DYDC1: variants seen among roughly 807,000 people sequenced by gnomAD.
The protein encoded by DYDC1 is DPY30 domain-containing protein 1.
A neutral mutation model predicts 27.9 loss-of-function variants in DYDC1; 21 were observed. That is an observed-to-expected ratio of 0.75 (90% CI 0.53 to 1.08). The LOEUF is 1.08. DYDC1 is among the 50% of genes least tolerant of loss of function. The pLI, the probability that DYDC1 is intolerant of heterozygous loss-of-function variation, is 0.00. For synonymous variants in DYDC1, 67 were observed against 65.8 expected, an observed-to-expected ratio of 1.02 and a Z score of -0.09; for missense variants, 202 against 205.9, an observed-to-expected ratio of 0.98 and a Z score of 0.12.
rs141276316 is a variant in DYDC1 at position 80,342,679 on chromosome 10, G to A, written c.250-318C>T. Reference sequence around the variant, plus strand: ...ATAGCCACACACTGGTTGTGGAAGAGTGGGTGAGAAACTCTTCAGAATATC... The same window carrying A: ...ATAGCCACACACTGGTTGTGGAAGAATGGGTGAGAAACTCTTCAGAATATC... On this transcript the variant is annotated intron_variant, in intron 3 of 6. Transcript: ENST00000372202. 3.6e-4 allele frequency among the ~76,000 whole-genome samples: 55 copies of A among 152,308 alleles called. No individual in the cohort carries two copies. The East Asian group carries it at 0.01, about 28-fold the overall frequency.
chr10:80,340,474 G>A, intron 4 of DYDC1, among the ~76,000 whole-genome samples: 1 of 152,204 alleles, frequency 6.6e-6, no homozygotes, highest in East Asian at 1.9e-4. Flanking sequence ...GGTCACACAA[G>A]CTGATGATGT....
At chr10:80,346,444 C>CCTTTTTTTTTTT (rs1842630105) in intron 3 of DYDC1, among the ~76,000 whole-genome samples, 1 of 83,360 alleles carries the variant, frequency 1.2e-5, no homozygotes, top group African/African-American at 5.0e-5. Context: ...TCTTCCCTTT[C>CCTTTTTTTTTTT]TTTTTTTTTT....
rs755405371 is a variant in DYDC1, at chr10:80,351,991, T to A, written c.159A>T (p.Glu53Asp). Residue 53 changes from glutamate to aspartate, a missense_variant, in exon 3 of 7, where the codon GAA becomes GAT. By Grantham distance (45) the Glu-to-Asp change is conservative. Coordinates refer to ENST00000372202, the MANE Select transcript of DYDC1 (RefSeq NM_001269053.2). ...NVTMEQLRQKEMAKLEREREL... is the reference protein window; with the variant it reads ...NVTMEQLRQKDMAKLEREREL... ...CTCTTTCACGCTCCAGCTTGGCCAT[T>A]TCCTTTTGTCTCTAGCATTGTTTAA... 3 of 1,614,080 alleles carry A rather than the reference T, an allele frequency of 1.9e-6. No homozygotes were observed. The South Asian group carries it at 3.3e-5, about 18-fold the overall frequency.
chr10:80,338,749 T>C (rs576900332), intron 5 of DYDC1, among the ~76,000 whole-genome samples, 178 bp from the exon 6 acceptor site: 23 of 152,360 alleles, frequency 1.5e-4, no homozygotes, highest in Non-Finnish European at 3.4e-4. Flanking sequence ...TTGAGTATCC[T>C]AGAATGCAAA....
intron 2 of DYDC1, 40 bp from the exon 3 acceptor site, chr10:80,352,042 G>C (rs372401073): frequency 4.4e-6 from 7 of 1,592,022 alleles, no homozygotes; most frequent in Non-Finnish European, 6.0e-6. Flanking sequence ...ACTTCTTAGC[G>C]AGAAAGCAAT....
chr10:80,349,820 T>C (rs1842882165), intron 3 of DYDC1, among the ~76,000 whole-genome samples: 1 of 151,988 alleles, frequency 6.6e-6, no homozygotes, highest in African/African-American at 2.4e-5. Context: ...TCAAAACAAA[T>C]AAACAAAAAA....
chr10:80,354,506 A>G (rs953319841), intron 1 of DYDC1: 11 of 151,006 alleles, frequency 7.3e-5, no homozygotes, highest in Non-Finnish European at 1.6e-4. Context: ...AAAAAAAAAA[A>G]GAATACCTAT....
Position 80,354,121 on chromosome 10 carries a change from T to A in DYDC1, c.-9-1511A>T, listed in dbSNP as rs375174271. Among the ~76,000 whole-genome samples, 5 of 143,968 alleles carry A rather than the reference T, an allele frequency of 3.5e-5. No homozygotes were observed. In the South Asian group the frequency reaches 6.6e-4, roughly 19 times the overall value. The allele number at this position is 143,968 out of a possible 152,430, so 94.4% of individuals were successfully genotyped here. A position where few individuals can be genotyped will look rare whatever the true frequency, so the allele number is the denominator to read the frequency against. On this transcript the variant is annotated intron_variant, in intron 1 of 6. Coordinates refer to ENST00000372202, the MANE Select transcript of DYDC1 (RefSeq NM_001269053.2). ...ACAGAGTGAGACTCTGTCTCATATA[T>A]AAAAAAAAATATATATATATATATT...
chr10:80,336,473 C>T, intron 6 of DYDC1: 1 of 463,194 alleles, frequency 2.2e-6, no homozygotes, highest in South Asian at 9.2e-5. Flanking sequence ...GCTAATGGTT[C>T]CTCCCTGAGC....
chr10:80,336,769 C>T (rs764578776), intron 6 of DYDC1, among the ~76,000 whole-genome samples: 2 of 152,232 alleles, frequency 1.3e-5, no homozygotes, highest in Non-Finnish European at 2.9e-5. Flanking sequence ...ATTTAGGCTT[C>T]ATCCTGACCC....
At chr10:80,352,946 G>T (rs1411098800) in intron 1 of DYDC1, among the ~76,000 whole-genome samples, 3 of 152,040 alleles carry the variant, frequency 2.0e-5, no homozygotes, top group Non-Finnish European at 4.4e-5. Flanking sequence ...TGAAAAATGG[G>T]TATCATCATC....
intron 1 of DYDC1, chr10:80,356,437 G>A (rs1026123660): frequency 2.0e-6 from 2 of 985,344 alleles, no homozygotes; most frequent in Non-Finnish European, 2.4e-6. Context: ...TATTGTATCT[G>A]GCAACCTCCC....
At chr10:80,349,601 G>T (rs1460502499) in intron 3 of DYDC1, among the ~76,000 whole-genome samples, 1 of 152,110 alleles carries the variant, frequency 6.6e-6, no homozygotes. Context: ...AAAGTGATGG[G>T]GTAGGTAGCT....
At chr10:80,342,505 A>G in intron 3 of DYDC1, 144 bp from the exon 4 acceptor site, 1 of 647,920 alleles carries the variant, frequency 1.5e-6, no homozygotes, top group Non-Finnish European at 2.4e-6. Flanking sequence ...TGAAGCATAA[A>G]ATTTTTAAAA....
chr10:80,342,278 T>C lies in DYDC1; in HGVS notation c.333A>G (p.Gln111=). The change falls in exon 4 of 7, where the codon CAA becomes CAG. Residue 111 remains glutamine, a synonymous_variant. Coordinates refer to ENST00000372202, the MANE Select transcript of DYDC1 (RefSeq NM_001269053.2). ...TAAAACTTCAAATTACCTTGCCTAA[T>C]TGTTCTTGAGCTCTCTGTAGTTCTT... The part of the protein sequence containing the change: ...RIQELQRAQE[Q]LGKEMRMNME... 1 of 1,613,640 alleles carries C rather than the reference T, an allele frequency of 6.2e-7. No individual in the cohort carries two copies.
intron 4 of DYDC1, among the ~76,000 whole-genome samples, chr10:80,339,548 ACTTCTACAGGAACTAAT>A (rs1209588408): frequency 6.6e-6 from 1 of 152,138 alleles, no homozygotes. Flanking sequence ...AGAAGTAAAC[ACTTCTACAGGAACTAAT>A]CTGGCCCAAT....
chr10:80,336,361 A>C, intron 6 of DYDC1, 176 bp from the exon 7 acceptor site: 1 of 979,312 alleles, frequency 1.0e-6, no homozygotes, highest in Non-Finnish European at 1.2e-6. Context: ...TTATGTTCTC[A>C]AAGTAGTTAT....
At chr10:80,347,276 C>CTTTTTTTTTTTTTTTTTTT (rs556362145) in intron 3 of DYDC1, among the ~76,000 whole-genome samples, 2 of 90,124 alleles carry the variant, frequency 2.2e-5, no homozygotes, top group Non-Finnish European at 4.3e-5. Context: ...AATTGGGATC[C>CTTTTTTTTTTTTTTTTTTT]TTTTTTTTTT....
At chr10:80,346,444 C>CCTTTTTTTTT (rs1842630105) in intron 3 of DYDC1, among the ~76,000 whole-genome samples, 2 of 83,360 alleles carry the variant, frequency 2.4e-5, no homozygotes, top group African/African-American at 5.0e-5. Flanking sequence ...TCTTCCCTTT[C>CCTTTTTTTTT]TTTTTTTTTT....
Sources: gnomAD v4.1 joint callset for allele counts (sites outside exome capture counted in the v4.1 genomes callset) on GRCh38, gnomAD v4.1.1 for gene constraint, MANE v1.5 for transcripts, NCBI Gene and HGNC (gene_info 2026-07-23, HGNC 2026-07-21) for gene names.